The following DPYD variants were observed in gnomAD, a reference collection of about 807,000 sequenced individuals.
The protein encoded by DPYD is dihydropyrimidine dehydrogenase [NADP(+)].
Under a neutral mutation model 116.2 loss-of-function variants are expected in DPYD, and 109 were observed. That is an observed-to-expected ratio of 0.94 (90% CI 0.80 to 1.10). The LOEUF (loss-of-function observed/expected upper bound fraction) is 1.10. DPYD is among the 50% of genes least tolerant of loss of function. The probability of loss-of-function intolerance (pLI) is 0.00; values close to 1 mark genes in which losing one functional copy is unlikely to be tolerated. For synonymous variants in DPYD, 440 were observed against 432.0 expected, an observed-to-expected ratio of 1.02 and a Z score of -0.23; for missense variants, 1,302 against 1,254.5, an observed-to-expected ratio of 1.04 and a Z score of -0.57.
At chr1:97,910,630 G>A (rs1241057903) in intron 1 of DPYD, among the ~76,000 whole-genome samples, 1 of 152,044 alleles carries the variant, frequency 6.6e-6, no homozygotes, top group African/African-American at 2.4e-5. Flanking sequence ...GCTAGGCTGT[G>A]AACATTAGCA....
chr1:97,757,554 G>T (rs577791950), intron 3 of DPYD, among the ~76,000 whole-genome samples: 1 of 152,168 alleles, frequency 6.6e-6, no homozygotes, highest in Non-Finnish European at 1.5e-5. Context: ...TACTAACAAA[G>T]ATAACGATGC....
In DPYD at chr1:97,662,173, T is replaced by G. The variant is rs188325966; in HGVS notation, c.850+16922A>C. On this transcript the variant is annotated intron_variant, in intron 8 of 22. Transcript: ENST00000370192. ...CAGCCACCACATCCGGCTAATTTTT[T>G]GTATTTTTAGTAGAGATGGGGTTTC... Among the ~76,000 whole-genome samples the G allele has an allele frequency of 7.3e-3, 1,104 of 151,254 alleles. 6 individuals carry two copies. The highest frequency in any genetic ancestry group is 0.024 in the African/African-American group (1,006 of 41,256).
At chr1:97,857,930 G>A (rs750649358) in intron 2 of DPYD, among the ~76,000 whole-genome samples, 6 of 151,864 alleles carry the variant, frequency 4.0e-5, no homozygotes, top group Non-Finnish European at 8.8e-5. Context: ...CTCAACTGGT[G>A]TCTACTGCTT....
chr1:97,350,967 T>C (rs1443846040), intron 16 of DPYD, among the ~76,000 whole-genome samples: 1 of 152,178 alleles, frequency 6.6e-6, no homozygotes, highest in African/African-American at 2.4e-5. Flanking sequence ...CTATGTTTGA[T>C]GCAATTGGCT....
At chr1:97,358,203 C>T (rs571430929) in intron 16 of DPYD, among the ~76,000 whole-genome samples, 5 of 152,186 alleles carry the variant, frequency 3.3e-5, no homozygotes, top group Non-Finnish European at 5.9e-5. Flanking sequence ...TTATGGCTAG[C>T]GCAGCAGTCT....
At chr1:97,545,140 T>C (rs1650731793) in intron 12 of DPYD, among the ~76,000 whole-genome samples, 1 of 152,298 alleles carries the variant, frequency 6.6e-6, no homozygotes, top group South Asian at 2.1e-4. Context: ...GATAAGTAGT[T>C]GGTAAATACA....
intron 12 of DPYD, among the ~76,000 whole-genome samples, chr1:97,522,250 T>G (rs1390765970): frequency 6.6e-6 from 1 of 152,078 alleles, no homozygotes; most frequent in Non-Finnish European, 1.5e-5. Flanking sequence ...AGATGAAGGG[T>G]ATGAACAGAC....
intron 12 of DPYD, chr1:97,545,992 T>C: frequency 7.5e-7 from 1 of 1,339,346 alleles, no homozygotes; most frequent in Non-Finnish European, 1.1e-6. Context: ...GTTATGGCTG[T>C]CCTTGGGAGT....
At chr1:97,497,931 G>A (rs1395372501) in intron 13 of DPYD, among the ~76,000 whole-genome samples, 2 of 151,712 alleles carry the variant, frequency 1.3e-5, no homozygotes, top group African/African-American at 4.8e-5. Context: ...ACCCCATGAA[G>A]GGTTATGAAC....
Position 97,854,828 on chromosome 1 carries a change from G to T in DPYD, c.151-26632C>A, listed in dbSNP as rs1670739266. 2.0e-5 allele frequency among the ~76,000 whole-genome samples: 3 copies of T among 152,146 alleles called. No individual in the cohort carries two copies. The South Asian group carries it at 6.2e-4, about 32-fold the overall frequency. ...AGATTCTTGTGCCCATCATGAGCAG[G>T]GTGAGATGTCCATGGCCACAGAACG... On this transcript the variant is annotated intron_variant, in intron 2 of 22. Transcript: ENST00000370192.
At chr1:97,199,216 G>A (rs1318685753) in intron 19 of DPYD, among the ~76,000 whole-genome samples, 2 of 152,172 alleles carry the variant, frequency 1.3e-5, no homozygotes, top group African/African-American at 4.8e-5. Flanking sequence ...TTAGTCAGGA[G>A]AGGGAGTAAT....
chr1:97,234,946 C>T lies in DPYD; in HGVS notation c.2348G>A (p.Arg783His), dbSNP rs747132274. ...IALRAVTSIA[R>H]ALPGFPILAT... ...CAAAATGGGAAATCCAGGCAGAGCA[C>T]GAGCAATGGAGGTCACAGCTCTCAA... Residue 783 changes from arginine to histidine, a missense_variant, in exon 19 of 23, where the codon CGT becomes CAT. Arg to His is a conservative substitution (Grantham distance 29, BLOSUM62 0). Coordinates refer to ENST00000370192, the MANE Select transcript of DPYD (RefSeq NM_000110.4). 1.9e-6 allele frequency: 3 copies of T among 1,613,966 alleles called. No individual in the cohort carries two copies. The highest frequency in any genetic ancestry group is 1.7e-5 in the Admixed American group (1 of 60,010).
chr1:97,298,215 G>A (rs573734009), intron 18 of DPYD, among the ~76,000 whole-genome samples: 2 of 152,074 alleles, frequency 1.3e-5, no homozygotes, highest in Non-Finnish European at 2.9e-5. Context: ...TGTTCTCAAA[G>A]TGTGGTTCCC....
At chr1:97,555,773 A>T (rs1157791777) in intron 11 of DPYD, among the ~76,000 whole-genome samples, 1 of 152,054 alleles carries the variant, frequency 6.6e-6, no homozygotes, top group Non-Finnish European at 1.5e-5. Context: ...CTACTATCAG[A>T]AGCCATTCTC....
chr1:97,318,435 T>C (rs1350130330), intron 16 of DPYD, among the ~76,000 whole-genome samples: 1 of 149,818 alleles, frequency 6.7e-6, no homozygotes, highest in Non-Finnish European at 1.5e-5. Context: ...GCAATCCTAG[T>C]CTCTGATAAA....
intron 3 of DPYD, among the ~76,000 whole-genome samples, chr1:97,752,703 G>T (rs573714626): frequency 2.0e-5 from 3 of 152,128 alleles, no homozygotes; most frequent in Non-Finnish European, 1.5e-5. Flanking sequence ...ACTCAGCTCA[G>T]ATGTCTCCTG....
chr1:97,620,991 A>G (rs1161465375), intron 8 of DPYD, among the ~76,000 whole-genome samples: 1 of 152,186 alleles, frequency 6.6e-6, no homozygotes, highest in Non-Finnish European at 1.5e-5. Context: ...GCATATTTGT[A>G]CATATACTGT....
At chr1:97,261,695 G>A (rs1251706520) in intron 18 of DPYD, among the ~76,000 whole-genome samples, 1 of 151,856 alleles carries the variant, frequency 6.6e-6, no homozygotes, top group African/African-American at 2.4e-5. Flanking sequence ...TTTTAGAATT[G>A]AGAACTTAGG....
rs185524184 is a variant in DPYD at position 97,718,455 on chromosome 1, T to C, written c.483+3055A>G. 2.1e-3 allele frequency among the ~76,000 whole-genome samples: 321 copies of C among 152,128 alleles called. 1 individual carries two copies. The highest frequency in any genetic ancestry group is 7.2e-3 in the African/African-American group (298 of 41,570). On this transcript the variant is annotated intron_variant, in intron 5 of 22. Transcript: ENST00000370192. The stretch of plus-strand genomic sequence containing the variant: ...TATTTCACAGATATCAGAAAAATCT[T>C]ATAAAATGTTTTTGTGAAATAAATT...
Sources: gnomAD v4.1 joint callset for allele counts (sites outside exome capture counted in the v4.1 genomes callset) on GRCh38, gnomAD v4.1.1 for gene constraint, MANE v1.5 for transcripts, NCBI Gene and HGNC (gene_info 2026-07-23, HGNC 2026-07-21) for gene names.